Variants in CCNDBP1 observed in about 807,000 individuals in gnomAD.
CCNDBP1 encodes the protein cyclin-D1-binding protein 1.
CCNDBP1 carries 45 observed loss-of-function variants against 46.2 expected under a neutral mutation model. The observed-to-expected ratio is 0.97, with a 90% CI of 0.77 to 1.25. CCNDBP1 has a LOEUF of 1.25. Among genes scored for constraint, CCNDBP1 ranks in the 50% most tolerant of loss-of-function variants. The pLI, the probability that CCNDBP1 is intolerant of heterozygous loss-of-function variation, is 0.00. For missense variants in CCNDBP1, 436 were observed against 442.1 expected (o/e 0.99, Z 0.12); for synonymous variants, 154 against 163.6 (o/e 0.94, Z 0.45).
chr15:43,189,340 CTTGTG>C, intron 4 of CCNDBP1, 60 bp downstream of exon 4: 1 of 973,166 alleles, frequency 1.0e-6, no homozygotes, highest in Non-Finnish European at 1.5e-6. Context: ...TGGATTATGT[CTTGTG>C]ACTTTTACCT....
At position 43,196,631 on chromosome 15, in the gene CCNDBP1, A is replaced by G. The variant is rs1169997287; in HGVS notation, c.*1790A>G. The G allele has an allele frequency of 1.3e-5, 2 of 152,580 alleles. No homozygotes were observed. Among genetic ancestry groups the G allele is most frequent in the Non-Finnish European group, 2.9e-5 (2 of 68,392 alleles). 9.5% of individuals were successfully genotyped at this position (152,580 alleles called of 1,614,324 possible). A position where few individuals can be genotyped will look rare whatever the true frequency, so the allele number is the denominator to read the frequency against. On this transcript the variant is annotated 3_prime_UTR_variant, in exon 11 of 11. Transcript: ENST00000300213. ...GATTACCTAAAAATTCCATTTTGGG[A>G]TAATATCCCACTTCATCAGAAATAT... is the stretch of plus-strand genomic sequence containing the variant.
intron 5 of CCNDBP1, 57 bp from the exon 6 acceptor site, chr15:43,190,268 T>C: frequency 6.3e-7 from 1 of 1,599,972 alleles, no homozygotes; most frequent in Non-Finnish European, 8.6e-7. Flanking sequence ...AGGAAGAAGC[T>C]TTTTAGGAGA....
At chr15:43,190,277 G>C (rs145395496) in intron 5 of CCNDBP1, 48 bp from the exon 6 acceptor site, 2 of 1,603,518 alleles carry the variant, frequency 1.2e-6, no homozygotes, top group East Asian at 4.5e-5. Flanking sequence ...CTTTTTAGGA[G>C]ACAGGAACCT....
intron 7 of CCNDBP1, 116 bp downstream of exon 7, chr15:43,191,158 G>A: frequency 1.1e-6 from 1 of 881,546 alleles, no homozygotes; most frequent in East Asian, 2.6e-5. Context: ...ACTGTCCTCT[G>A]TCTTCCATCT....
At chr15:43,190,188 G>A (rs764344724) in intron 5 of CCNDBP1, 37 bp downstream of exon 5, 3 of 1,603,762 alleles carry the variant, frequency 1.9e-6, no homozygotes, top group Non-Finnish European at 2.6e-6. Context: ...AGTTATTGGG[G>A]TTCCTTGCCT....
chr15:43,190,842 C>G, intron 6 of CCNDBP1, 124 bp from the exon 7 acceptor site: 1 of 720,434 alleles, frequency 1.4e-6, no homozygotes, highest in Non-Finnish European at 2.4e-6. Context: ...TTTATTAAAC[C>G]CGCACCCTTG....
intron 3 of CCNDBP1, among the ~76,000 whole-genome samples, chr15:43,186,881 C>T (rs1266220358): frequency 6.6e-6 from 1 of 152,190 alleles, no homozygotes; most frequent in African/African-American, 2.4e-5. Flanking sequence ...AAACACTGTT[C>T]TGGACCTTCC....
chr15:43,193,248 G>T (rs544833943), intron 9 of CCNDBP1: 1 of 139,618 alleles, frequency 7.2e-6, no homozygotes, highest in African/African-American at 2.7e-5. Context: ...CAGGAGAATC[G>T]CTTGAAGCCG....
Position 43,197,025 on chromosome 15 carries a change from A to C in CCNDBP1, c.*2184A>C, listed in dbSNP as rs1404379341. 1 of 440,546 alleles carries C rather than the reference A, an allele frequency of 2.3e-6. No individual in the cohort carries two copies. The highest frequency in any genetic ancestry group is 4.2e-6 in the Non-Finnish European group (1 of 237,794). 27.3% of individuals were successfully genotyped at this position (440,546 alleles called of 1,614,324 possible). A position where few individuals can be genotyped will look rare whatever the true frequency, so the allele number is the denominator to read the frequency against. On this transcript the variant is annotated 3_prime_UTR_variant, in exon 11 of 11. Coordinates refer to ENST00000300213, the MANE Select transcript of CCNDBP1 (RefSeq NM_012142.5). ...AAAACGAGGCTGGCACCTGGCACTT[A>C]CCCCTACCCCTCAACCCATTCTTGC...
chr15:43,192,909 G>A (rs1316298513), intron 9 of CCNDBP1, 106 bp downstream of exon 9: 1 of 1,006,740 alleles, frequency 9.9e-7, no homozygotes, highest in South Asian at 1.3e-5. Flanking sequence ...AGTCACATTT[G>A]GATGGAAGTA....
At chr15:43,190,841 C>A in intron 6 of CCNDBP1, 125 bp from the exon 7 acceptor site, 1 of 716,294 alleles carries the variant, frequency 1.4e-6, no homozygotes, top group Admixed American at 2.3e-5. Context: ...TTTTATTAAA[C>A]CCGCACCCTT....
chr15:43,185,934 C>T (rs2041817854), intron 2 of CCNDBP1, 55 bp downstream of exon 2: 2 of 1,523,392 alleles, frequency 1.3e-6, no homozygotes, highest in Non-Finnish European at 1.8e-6. Flanking sequence ...GCGTCCCGAC[C>T]CCTTTTCCTC....
chr15:43,185,713 C>T, intron 1 of CCNDBP1, 106 bp downstream of exon 1: 2 of 994,062 alleles, frequency 2.0e-6, no homozygotes, highest in Non-Finnish European at 1.4e-6. Flanking sequence ...GCGGAGAGGG[C>T]GGGCTGGGGC....
At chr15:43,189,498 G>A (rs980626188) in intron 4 of CCNDBP1, 1 of 469,548 alleles carries the variant, frequency 2.1e-6, no homozygotes, top group African/African-American at 2.0e-5. Context: ...TGCCTTGCCT[G>A]ACTCATAAGG....
rs563171528 is a variant in CCNDBP1, at chr15:43,195,186, G to A, written c.*345G>A. 1.1e-5 allele frequency: 2 copies of A among 178,400 alleles called. No individual in the cohort carries two copies. Among genetic ancestry groups the A allele is most frequent in the African/African-American group, 4.7e-5 (2 of 42,494 alleles). 11.1% of individuals were successfully genotyped at this position (178,400 alleles called of 1,614,324 possible). On this transcript the variant is annotated 3_prime_UTR_variant, in exon 11 of 11. Coordinates refer to ENST00000300213, the MANE Select transcript of CCNDBP1 (RefSeq NM_012142.5). ...GATGGTCTCAATAAAATGCTAACTT[G>A]CCAGTGATTAAATGAGTGCCCTTCC...
intron 3 of CCNDBP1, among the ~76,000 whole-genome samples, chr15:43,186,775 A>AAAATATAC (rs1199372361): frequency 1.3e-5 from 2 of 152,178 alleles, no homozygotes; most frequent in Non-Finnish European, 2.9e-5. Flanking sequence ...TGTCTCCCCC[A>AAAATATAC]GTTCCTTTTG....
rs1308290500 is a variant in CCNDBP1 at position 43,192,780 on chromosome 15, T to C, written c.898T>C (p.Cys300Arg). The C allele has an allele frequency of 3.7e-6, 6 of 1,614,202 alleles. No individual in the cohort carries two copies. Among genetic ancestry groups the C allele is most frequent in the Non-Finnish European group, 4.2e-6 (5 of 1,180,024 alleles). The change falls in exon 9 of 11, where the codon TGT becomes CGT. Residue 300 changes from cysteine to arginine, a missense_variant. By Grantham distance (180) the Cys-to-Arg change is radical. Coordinates refer to ENST00000300213, the MANE Select transcript of CCNDBP1 (RefSeq NM_012142.5). ...DLALSIYPPMCHLTVRINSAK... is the reference protein window; with the variant it reads ...DLALSIYPPMRHLTVRINSAK... ...GGCTCTGAGCATATATCCACCTATG[T>C]GTCACCTGACCGTGCGAATCAATGT... is the stretch of plus-strand genomic sequence containing the variant.
chr15:43,191,325 TATA>T (rs1028863056), intron 7 of CCNDBP1, 67 bp from the exon 8 acceptor site: 3 of 1,464,546 alleles, frequency 2.0e-6, no homozygotes, highest in African/African-American at 2.9e-5. Context: ...GTGGTAAAAG[TATA>T]ATAATAGGCC....
rs1311549991 is a variant in CCNDBP1, at chr15:43,190,992, C to T, written c.529C>T (p.Leu177=). Residue 177 remains leucine, a synonymous_variant, in exon 7 of 11, where the codon CTG becomes TTG. Transcript: ENST00000300213. ...RDNKAAALLM[L]TKNVDFVKDA... is the part of the protein sequence containing the mutation. The stretch of plus-strand genomic sequence containing the variant: ...TAACAAAGCTGCAGCTCTTTTGATG[C>T]TGACCAAGAATGTGGATTTTGTGAA... The T allele has an allele frequency of 6.2e-7, 1 of 1,613,958 alleles. No homozygotes were observed. Among genetic ancestry groups the T allele is most frequent in the Non-Finnish European group, 8.5e-7 (1 of 1,179,986 alleles).
Sources: gnomAD v4.1 joint callset for allele counts (sites outside exome capture counted in the v4.1 genomes callset) on GRCh38, gnomAD v4.1.1 for gene constraint, MANE v1.5 for transcripts, NCBI Gene and HGNC (gene_info 2026-07-23, HGNC 2026-07-21) for gene names.